WDFY3: variants seen among roughly 807,000 people sequenced by gnomAD.
The protein encoded by WDFY3 is WD repeat and FYVE domain containing 3.
A neutral mutation model predicts 409.6 loss-of-function variants in WDFY3; 66 were observed. That is an observed-to-expected ratio of 0.16 (90% CI 0.13 to 0.20). WDFY3 has a LOEUF of 0.20. Ranked by LOEUF, WDFY3 falls within the 10% of genes least tolerant of loss-of-function variation. The probability of loss-of-function intolerance (pLI) is 1.00; values close to 1 mark genes in which losing one functional copy is unlikely to be tolerated. For missense variants in WDFY3, 3,031 were observed against 4,298.1 expected (o/e 0.71, Z 8.24); for synonymous variants, 1,521 against 1,537.1 (o/e 0.99, Z 0.25).
intron 4 of WDFY3, among the ~76,000 whole-genome samples, chr4:84,857,631 A>C (rs1759947675): frequency 6.6e-6 from 1 of 152,190 alleles, no homozygotes; most frequent in South Asian, 2.1e-4. Flanking sequence ...ACTTCCCTGA[A>C]TAGGGCTTAA....
rs577295555 is a variant in WDFY3, at chr4:84,829,724, T to G, written c.770-534A>C. ...CGGGAGGCTGAGGTAGGAGAATCACTTGAACCCGGGAGGCAGAGATTGCAG... is the reference window on the plus strand; with the variant it reads ...CGGGAGGCTGAGGTAGGAGAATCACGTGAACCCGGGAGGCAGAGATTGCAG... On this transcript the variant is annotated intron_variant, in intron 8 of 67. Coordinates refer to ENST00000295888, the MANE Select transcript of WDFY3 (RefSeq NM_014991.6). Among the ~76,000 whole-genome samples the G allele has an allele frequency of 8.6e-5, 13 of 151,764 alleles. No individual in the cohort carries two copies. The South Asian group carries it at 2.7e-3, about 32-fold the overall frequency.
In WDFY3 at chr4:84,679,259, G is replaced by C. The variant is rs2148751496; in HGVS notation, c.9824-17C>G. Reference sequence around the variant, plus strand: ...CTTCCTGCCCTGGGTGAAGCATTGAGAGAATTGGAACATACGGAACCATCA... The same window carrying C: ...CTTCCTGCCCTGGGTGAAGCATTGACAGAATTGGAACATACGGAACCATCA... On this transcript the variant is annotated splice_polypyrimidine_tract_variant and intron_variant, in intron 64 of 67. Transcript: ENST00000295888. The C allele has an allele frequency of 6.7e-7, 1 of 1,481,942 alleles. No individual in the cohort carries two copies. The highest frequency in any genetic ancestry group is 9.0e-7 in the Non-Finnish European group (1 of 1,112,628). The allele number at this position is 1,481,942 out of a possible 1,614,324, so 91.8% of individuals were successfully genotyped here. A position where few individuals can be genotyped will look rare whatever the true frequency, so the allele number is the denominator to read the frequency against.
intron 3 of WDFY3, among the ~76,000 whole-genome samples, chr4:84,877,372 T>C (rs999211038): frequency 4.6e-5 from 7 of 152,182 alleles, no homozygotes; most frequent in African/African-American, 1.7e-4. Context: ...CTCATTCTGT[T>C]GCCCAGGCTG....
At chr4:84,920,409 T>C (rs1239060341) in intron 2 of WDFY3, among the ~76,000 whole-genome samples, 1 of 152,184 alleles carries the variant, frequency 6.6e-6, no homozygotes, top group Non-Finnish European at 1.5e-5. Context: ...ATATGTTCAA[T>C]GTAACTCTCA....
intron 2 of WDFY3, among the ~76,000 whole-genome samples, chr4:84,926,867 T>C (rs1161627350): frequency 6.6e-6 from 1 of 152,162 alleles, no homozygotes; most frequent in East Asian, 1.9e-4. Flanking sequence ...AAGAAAAAAA[T>C]TATCAATTGT....
At chr4:84,900,703 G>A (rs1412672705) in intron 2 of WDFY3, among the ~76,000 whole-genome samples, 3 of 152,098 alleles carry the variant, frequency 2.0e-5, no homozygotes, top group Admixed American at 1.3e-4. Flanking sequence ...GACTATAAAG[G>A]AACAGAACAA....
intron 42 of WDFY3, among the ~76,000 whole-genome samples, chr4:84,735,747 G>A (rs1048272930): frequency 5.3e-5 from 8 of 152,190 alleles, no homozygotes; most frequent in African/African-American, 1.9e-4. Flanking sequence ...GATGGTGAAG[G>A]AAGTAGGATG....
At chr4:84,713,310 G>A in intron 50 of WDFY3, 71 bp from the exon 51 acceptor site, 3 of 1,386,188 alleles carry the variant, frequency 2.2e-6, no homozygotes, top group South Asian at 1.2e-5. Flanking sequence ...GCCTAAGAAA[G>A]GACGATTCGT....
chr4:84,721,157 T>C (rs1335816018), intron 47 of WDFY3, among the ~76,000 whole-genome samples: 1 of 152,220 alleles, frequency 6.6e-6, no homozygotes, highest in Non-Finnish European at 1.5e-5. Context: ...ATCTGTGGTA[T>C]AGAGGAAGAA....
intron 1 of WDFY3, among the ~76,000 whole-genome samples, chr4:84,961,215 CAAAA>C (rs35416764): frequency 9.2e-6 from 1 of 109,126 alleles, no homozygotes; most frequent in Non-Finnish European, 2.0e-5. Context: ...GACTCTGTCT[CAAAA>C]AAAAAAAAAA....
chr4:84,802,153 G>A (rs557063058), intron 16 of WDFY3, among the ~76,000 whole-genome samples: 1 of 151,924 alleles, frequency 6.6e-6, no homozygotes, highest in African/African-American at 2.4e-5. Flanking sequence ...TCACCATGTT[G>A]GCTAGGCTGG....
chr4:84,854,067 G>T (rs1300453852), intron 4 of WDFY3, among the ~76,000 whole-genome samples: 10 of 152,134 alleles, frequency 6.6e-5, no homozygotes, highest in Non-Finnish European at 1.3e-4. Flanking sequence ...GTAAAATAGG[G>T]TAGCTGAAAG....
chr4:84,746,145 CAAAA>C (rs761664622), intron 36 of WDFY3, among the ~76,000 whole-genome samples: 1 of 60,628 alleles, frequency 1.6e-5, no homozygotes, highest in African/African-American at 6.5e-5. Flanking sequence ...CTGTCTCTAC[CAAAA>C]AAAAAAAAAA....
At chr4:84,943,211 A>T (rs1358603587) in intron 1 of WDFY3, among the ~76,000 whole-genome samples, 5 of 152,198 alleles carry the variant, frequency 3.3e-5, no homozygotes, top group Non-Finnish European at 7.4e-5. Flanking sequence ...CTGTAAGAAT[A>T]CAGTATATGG....
chr4:84,713,315 AT>A, intron 50 of WDFY3, 76 bp from the exon 51 acceptor site: 1 of 1,321,954 alleles, frequency 7.6e-7, no homozygotes, highest in East Asian at 2.3e-5. Context: ...AGAAAGGACG[AT>A]TCGTTTAGAT....
At chr4:84,779,653 G>C (rs1746172907) in intron 26 of WDFY3, among the ~76,000 whole-genome samples, 1 of 152,114 alleles carries the variant, frequency 6.6e-6, no homozygotes, top group African/African-American at 2.4e-5. Context: ...TCCTGAGTAA[G>C]TAACAGAGAT....
At chr4:84,931,887 C>T (rs1345820699) in intron 2 of WDFY3, among the ~76,000 whole-genome samples, 1 of 152,064 alleles carries the variant, frequency 6.6e-6, no homozygotes, top group Non-Finnish European at 1.5e-5. Flanking sequence ...AAAGAAACTA[C>T]AATACAATGG....
At chr4:84,817,686 C>A in intron 12 of WDFY3, 101 bp from the exon 13 acceptor site, 1 of 1,074,584 alleles carries the variant, frequency 9.3e-7, no homozygotes, top group South Asian at 1.6e-5. Context: ...TAAAGTAACT[C>A]ATAATAATGT....
chr4:84,797,557 C>CTTATTTAT (rs71670883), intron 18 of WDFY3, among the ~76,000 whole-genome samples: 44,715 of 145,594 alleles, frequency 0.31, 7,177 homozygotes, highest in Admixed American at 0.39. Flanking sequence ...CAACTCAATT[C>CTTATTTAT]TTATTTATTT....
Sources: gnomAD v4.1 joint callset for allele counts (sites outside exome capture counted in the v4.1 genomes callset) on GRCh38, gnomAD v4.1.1 for gene constraint, MANE v1.5 for transcripts, NCBI Gene and HGNC (gene_info 2026-07-23, HGNC 2026-07-21) for gene names.